Variants in GRM5 observed in about 807,000 individuals in gnomAD.
GRM5 encodes the protein metabotropic glutamate receptor 5.
A neutral mutation model predicts 83.1 loss-of-function variants in GRM5; 19 were observed. That is an observed-to-expected ratio of 0.23 (90% confidence interval 0.16 to 0.34). The LOEUF (loss-of-function observed/expected upper bound fraction) is 0.34. Ranked by LOEUF, GRM5 falls within the 10% of genes least tolerant of loss-of-function variation. The probability of loss-of-function intolerance (pLI) is 1.00; values close to 1 mark genes in which losing one functional copy is unlikely to be tolerated. For missense variants in GRM5, 1,160 were observed against 1,588.3 expected, an observed-to-expected ratio of 0.73 and a Z score of 4.58; for synonymous variants, 675 against 633.6, an observed-to-expected ratio of 1.07 and a Z score of -0.98.
intron 8 of GRM5, among the ~76,000 whole-genome samples, chr11:88,526,154 G>A (rs1166551486): frequency 6.6e-6 from 1 of 152,106 alleles, no homozygotes; most frequent in Non-Finnish European, 1.5e-5. Context: ...GTATTGGGAT[G>A]CCGCCATTAT....
chr11:88,608,123 T>A (rs1485061721), intron 4 of GRM5, among the ~76,000 whole-genome samples: 5 of 152,182 alleles, frequency 3.3e-5, no homozygotes, highest in African/African-American at 1.2e-4. Context: ...TTTCTGAGCC[T>A]TGGGGGAGCA....
Position 88,974,375 on chromosome 11 carries a change from A to AGATAGATAGATAGATAGAT in GRM5, c.661+72818_661+72836dup, listed in dbSNP as rs1555051736. Reference sequence around the variant, plus strand: ...AACAGTGTTATCTCCCTGGCAATAGAGATAGATAGATAGATAGATAGATAG... The same window carrying AGATAGATAGATAGATAGAT: ...AACAGTGTTATCTCCCTGGCAATAGAGATAGATAGATAGATAGATGATAGATAGATAGATAGATAGATAG... On this transcript the variant is annotated intron_variant, in intron 2 of 9. Coordinates refer to ENST00000305447, the MANE Select transcript of GRM5 (RefSeq NM_001143831.3). Among the ~76,000 whole-genome samples the AGATAGATAGATAGATAGAT allele has an allele frequency of 2.3e-4, 5 of 21,818 alleles. No individual in the cohort carries two copies. The African/African-American group carries it at 2.8e-3, about 12-fold the overall frequency. The allele number at this position is 21,818 out of a possible 152,430, so 14.3% of individuals were successfully genotyped here. A position where few individuals can be genotyped will look rare whatever the true frequency, so the allele number is the denominator to read the frequency against.
intron 7 of GRM5, among the ~76,000 whole-genome samples, chr11:88,571,888 C>G (rs1326707695): frequency 1.3e-5 from 2 of 152,046 alleles, no homozygotes; most frequent in African/African-American, 4.8e-5. Flanking sequence ...AGTCAGAAGA[C>G]TATCACAAGG....
chr11:88,594,771 A>G (rs1175261983), intron 6 of GRM5, among the ~76,000 whole-genome samples: 1 of 152,216 alleles, frequency 6.6e-6, no homozygotes, highest in Non-Finnish European at 1.5e-5. Flanking sequence ...AGATGAAAAA[A>G]CACATGAAAT....
At chr11:89,024,166 A>G (rs1463833107) in intron 2 of GRM5, among the ~76,000 whole-genome samples, 1 of 152,168 alleles carries the variant, frequency 6.6e-6, no homozygotes, top group African/African-American at 2.4e-5. Context: ...CAATGAGTTG[A>G]TATCTCCACG....
intron 8 of GRM5, among the ~76,000 whole-genome samples, chr11:88,564,150 T>C (rs1044636203): frequency 1.3e-5 from 2 of 152,206 alleles, no homozygotes; most frequent in African/African-American, 4.8e-5. Flanking sequence ...ATAATCAGAC[T>C]GTGGCCTGTG....
intron 2 of GRM5, among the ~76,000 whole-genome samples, chr11:89,014,001 T>C (rs557227396): frequency 2.0e-5 from 3 of 152,324 alleles, no homozygotes; most frequent in Admixed American, 6.5e-5. Flanking sequence ...ATATTTTTTA[T>C]TCTAGTTCAG....
At chr11:88,977,720 C>A (rs1939386277) in intron 2 of GRM5, among the ~76,000 whole-genome samples, 1 of 152,182 alleles carries the variant, frequency 6.6e-6, no homozygotes, top group African/African-American at 2.4e-5. Flanking sequence ...TTCAAGATTT[C>A]ATATTTTGTT....
At chr11:88,751,807 C>A (rs956358457) in intron 3 of GRM5, among the ~76,000 whole-genome samples, 2 of 152,068 alleles carry the variant, frequency 1.3e-5, no homozygotes, top group African/African-American at 4.8e-5. Flanking sequence ...ATATGCAAAT[C>A]AATAAATGTA....
chr11:89,036,911 C>A (rs1263816058), intron 2 of GRM5, among the ~76,000 whole-genome samples: 1 of 152,018 alleles, frequency 6.6e-6, no homozygotes, highest in African/African-American at 2.4e-5. Flanking sequence ...ATATTTTACC[C>A]ATAGTATTTG....
At chr11:88,839,345 A>C (rs565286319) in intron 3 of GRM5, among the ~76,000 whole-genome samples, 1 of 152,346 alleles carries the variant, frequency 6.6e-6, no homozygotes, top group Non-Finnish European at 1.5e-5. Context: ...TCCTTAATTT[A>C]TAAAGTTTTT....
At chr11:88,642,039 C>A (rs1268501242) in intron 4 of GRM5, among the ~76,000 whole-genome samples, 1 of 152,124 alleles carries the variant, frequency 6.6e-6, no homozygotes, top group Non-Finnish European at 1.5e-5. Flanking sequence ...GTTGGGGCTC[C>A]AACCCTGCAC....
intron 2 of GRM5, among the ~76,000 whole-genome samples, chr11:88,920,692 G>T (rs1945676062): frequency 6.6e-6 from 1 of 152,022 alleles, no homozygotes; most frequent in Non-Finnish European, 1.5e-5. Context: ...CAAAATACTA[G>T]CAAACCAAAT....
At chr11:88,587,304 G>T (rs1196892453) in intron 7 of GRM5, among the ~76,000 whole-genome samples, 3 of 152,164 alleles carry the variant, frequency 2.0e-5, no homozygotes, top group Admixed American at 6.6e-5. Context: ...AGTAAAGAAA[G>T]AGGGGTAAGC....
At chr11:88,631,354 A>T (rs1217843244) in intron 4 of GRM5, among the ~76,000 whole-genome samples, 1 of 152,172 alleles carries the variant, frequency 6.6e-6, no homozygotes. Flanking sequence ...GTAAATCATC[A>T]TTCCTAGCCT....
At chr11:88,717,148 G>A (rs1047022325) in intron 3 of GRM5, among the ~76,000 whole-genome samples, 1 of 151,714 alleles carries the variant, frequency 6.6e-6, no homozygotes, top group African/African-American at 2.4e-5. Context: ...ACCTTCTCTA[G>A]ACAAAGCCAC....
At chr11:88,908,913 T>C (rs167569) in intron 2 of GRM5, among the ~76,000 whole-genome samples, 146,281 of 152,130 alleles carry the variant, frequency 0.96, 70,375 homozygotes, top group East Asian at 0.99. Flanking sequence ...CAAGGAAACC[T>C]GTTATTCTAG....
chr11:89,036,438 G>T (rs570165319), intron 2 of GRM5, among the ~76,000 whole-genome samples: 2 of 152,084 alleles, frequency 1.3e-5, no homozygotes, highest in Non-Finnish European at 2.9e-5. Context: ...ATCATTTATG[G>T]TTTTTTTCTT....
intron 4 of GRM5, among the ~76,000 whole-genome samples, chr11:88,641,843 G>A (rs1939304046): frequency 6.6e-6 from 1 of 152,198 alleles, no homozygotes; most frequent in Non-Finnish European, 1.5e-5. Context: ...ACTCTCACGG[G>A]TTGAAGTTGA....
Sources: gnomAD v4.1 joint callset for allele counts (sites outside exome capture counted in the v4.1 genomes callset) on GRCh38, gnomAD v4.1.1 for gene constraint, MANE v1.5 for transcripts, NCBI Gene and HGNC (gene_info 2026-07-23, HGNC 2026-07-21) for gene names.